CCSER1: variants seen among roughly 807,000 people sequenced by gnomAD.
The protein encoded by CCSER1 is serine-rich coiled-coil domain-containing protein 1.
In CCSER1, 41 loss-of-function variants were observed where a neutral mutation model predicts 82.0. The ratio of observed to expected loss-of-function variants is 0.50; its 90% CI spans 0.39 to 0.65. CCSER1 has a LOEUF of 0.65. CCSER1 is among the 30% of genes least tolerant of loss of function. The probability of loss-of-function intolerance (pLI) is 0.00; values close to 1 mark genes in which losing one functional copy is unlikely to be tolerated. For missense variants in CCSER1, 1,119 were observed against 1,064.2 expected (o/e 1.05, Z -0.72); for synonymous variants, 414 against 383.9 (o/e 1.08, Z -0.92).
Position 90,825,934 on chromosome 4 carries a change from C to A in CCSER1, c.2094+10089C>A, listed in dbSNP as rs528663778. Among the ~76,000 whole-genome samples the A allele has an allele frequency of 9.1e-4, 139 of 152,102 alleles. 2 individuals are homozygous for A. Among genetic ancestry groups the A allele is most frequent in the Middle Eastern group, 3.4e-3 (1 of 294 alleles). ...CTCAATCTCCTGACCTCGTGATCCACCTGCCTCGTCCTCCCAAAGTGCTGG... is the reference window on the plus strand; with the variant it reads ...CTCAATCTCCTGACCTCGTGATCCAACTGCCTCGTCCTCCCAAAGTGCTGG... On this transcript the variant is annotated intron_variant, in intron 8 of 10. Coordinates refer to ENST00000509176, the MANE Select transcript of CCSER1 (RefSeq NM_001145065.2).
At chr4:91,066,471 A>G (rs1720828400) in intron 9 of CCSER1, among the ~76,000 whole-genome samples, 1 of 152,208 alleles carries the variant, frequency 6.6e-6, no homozygotes, top group African/African-American at 2.4e-5. Context: ...AAGGTGACTC[A>G]GTAAAGGGCA....
chr4:91,058,150 AT>A (rs1393439596), intron 9 of CCSER1, among the ~76,000 whole-genome samples: 2 of 151,878 alleles, frequency 1.3e-5, no homozygotes, highest in Non-Finnish European at 2.9e-5. Flanking sequence ...ATTTTTCCTG[AT>A]CCTCTCCCTT....
intron 1 of CCSER1, among the ~76,000 whole-genome samples, chr4:90,188,512 C>CA (rs35914621): frequency 0.69 from 103,908 of 151,580 alleles, 37,210 homozygotes; most frequent in African/African-American, 0.88. Context: ...CAATTATTTT[C>CA]TGGACTTCTT....
At chr4:90,273,020 A>G (rs1235229201) in intron 1 of CCSER1, among the ~76,000 whole-genome samples, 2 of 146,298 alleles carry the variant, frequency 1.4e-5, no homozygotes, top group Non-Finnish European at 3.0e-5. Flanking sequence ...CAAACAAACA[A>G]ACAAAAAAAA....
chr4:91,076,058 G>T (rs937389350), intron 9 of CCSER1, among the ~76,000 whole-genome samples: 1 of 152,102 alleles, frequency 6.6e-6, no homozygotes, highest in Non-Finnish European at 1.5e-5. Flanking sequence ...CCAGATCATA[G>T]AATTAATGAA....
At chr4:91,006,442 A>G (rs1738515322) in intron 9 of CCSER1, among the ~76,000 whole-genome samples, 1 of 151,980 alleles carries the variant, frequency 6.6e-6, no homozygotes, top group East Asian at 1.9e-4. Context: ...CAAAAAAAAG[A>G]TAATTTGGCT....
At chr4:90,398,306 G>C (rs902858839) in intron 3 of CCSER1, among the ~76,000 whole-genome samples, 1 of 152,040 alleles carries the variant, frequency 6.6e-6, no homozygotes, top group Non-Finnish European at 1.5e-5. Flanking sequence ...AGGTACTGGG[G>C]GTTAGGATTT....
At chr4:91,584,172 A>T (rs1763873910) in intron 10 of CCSER1, among the ~76,000 whole-genome samples, 1 of 151,510 alleles carries the variant, frequency 6.6e-6, no homozygotes, top group African/African-American at 2.4e-5. Flanking sequence ...AGCTACCATG[A>T]TCTGCTTTCA....
At chr4:91,088,397 C>G (rs1317341878) in intron 10 of CCSER1, among the ~76,000 whole-genome samples, 4 of 151,898 alleles carry the variant, frequency 2.6e-5, no homozygotes, top group Admixed American at 1.3e-4. Flanking sequence ...ATGAAGTAGA[C>G]AGTAATATGC....
chr4:91,340,384 A>C (rs1201197015), intron 10 of CCSER1, among the ~76,000 whole-genome samples: 1 of 152,182 alleles, frequency 6.6e-6, no homozygotes, highest in African/African-American at 2.4e-5. Flanking sequence ...TGCATTTAGT[A>C]GAATGTAAAG....
At chr4:90,209,121 G>A (rs1209088486) in intron 1 of CCSER1, among the ~76,000 whole-genome samples, 1 of 152,014 alleles carries the variant, frequency 6.6e-6, no homozygotes, top group African/African-American at 2.4e-5. Context: ...TAAGAAATTG[G>A]GCCAGTGACC....
chr4:91,384,374 G>A (rs1020164094), intron 10 of CCSER1, among the ~76,000 whole-genome samples: 15 of 150,750 alleles, frequency 1.0e-4, no homozygotes, highest in Non-Finnish European at 1.9e-4. Context: ...TGATAAATGA[G>A]CGTTTCCGTT....
chr4:91,359,234 G>A lies in CCSER1; in HGVS notation c.2218-239338G>A, dbSNP rs566553628. Among the ~76,000 whole-genome samples the A allele has an allele frequency of 3.0e-4, 46 of 151,944 alleles. 2 individuals are homozygous for A. Among genetic ancestry groups the A allele is most frequent in the Middle Eastern group, 3.4e-3 (1 of 292 alleles). ...GTTTCACAATGCTCTACTATACAAT[G>A]TCTGTAATCTATGAATAACATTGGT... On this transcript the variant is annotated intron_variant, in intron 10 of 10. Transcript: ENST00000509176.
chr4:90,792,897 T>G (rs755404919), intron 7 of CCSER1, among the ~76,000 whole-genome samples: 7 of 151,866 alleles, frequency 4.6e-5, no homozygotes, highest in African/African-American at 7.3e-5. Context: ...TAAAGGGGAG[T>G]GCTGATAGGG....
At chr4:91,002,955 A>T (rs1446545136) in intron 9 of CCSER1, among the ~76,000 whole-genome samples, 1 of 151,708 alleles carries the variant, frequency 6.6e-6, no homozygotes, top group Non-Finnish European at 1.5e-5. Flanking sequence ...TTGATGTAGT[A>T]CTCTCTGTCT....
intron 4 of CCSER1, among the ~76,000 whole-genome samples, chr4:90,420,360 A>G (rs919379746): frequency 6.6e-6 from 1 of 152,010 alleles, no homozygotes. Context: ...AGAATTTTAG[A>G]AGTAGAAGCT....
intron 8 of CCSER1, among the ~76,000 whole-genome samples, chr4:90,909,948 C>G (rs11721949): frequency 3.1e-4 from 47 of 152,056 alleles, no homozygotes; most frequent in Non-Finnish European, 5.7e-4. Context: ...TAAAGAACTA[C>G]CTGAGACTGG....
chr4:91,488,175 G>A (rs1193964551), intron 10 of CCSER1, among the ~76,000 whole-genome samples: 1 of 152,098 alleles, frequency 6.6e-6, no homozygotes, highest in Admixed American at 6.5e-5. Flanking sequence ...GTTCGCATAA[G>A]CGGTTATCCA....
intron 10 of CCSER1, among the ~76,000 whole-genome samples, chr4:91,523,993 C>T (rs1760644595): frequency 6.6e-6 from 1 of 152,170 alleles, no homozygotes; most frequent in South Asian, 2.1e-4. Flanking sequence ...TGAACAACAA[C>T]AAATCTAACA....
Sources: gnomAD v4.1 joint callset for allele counts (sites outside exome capture counted in the v4.1 genomes callset) on GRCh38, gnomAD v4.1.1 for gene constraint, MANE v1.5 for transcripts, NCBI Gene and HGNC (gene_info 2026-07-23, HGNC 2026-07-21) for gene names.